Variants in PML observed in about 807,000 individuals in gnomAD.
PML encodes the protein PML nuclear body scaffold, also known as protein PML.
PML carries 28 observed loss-of-function variants against 65.2 expected under a neutral mutation model. The observed-to-expected ratio is 0.43, with a 90% CI of 0.32 to 0.59. The LOEUF is 0.59. PML is among the 20% of genes least tolerant of loss of function. The probability of loss-of-function intolerance (pLI) is 0.08; values close to 1 mark genes in which losing one functional copy is unlikely to be tolerated. For missense variants in PML, 1,021 were observed against 1,203.4 expected, an observed-to-expected ratio of 0.85 and a Z score of 2.24; for synonymous variants, 500 against 508.8, an observed-to-expected ratio of 0.98 and a Z score of 0.23.
chr15:74,036,101 A>G (rs759724691), intron 7 of PML: 2 of 1,613,462 alleles, frequency 1.2e-6, no homozygotes, highest in East Asian at 2.2e-5. Context: ...ATGGCTATGC[A>G]TGGACCTCTG....
At chr15:74,004,261 C>T (rs533685249) in intron 2 of PML, among the ~76,000 whole-genome samples, 2 of 152,282 alleles carry the variant, frequency 1.3e-5, no homozygotes, top group East Asian at 1.9e-4. Context: ...AGGCACCTGC[C>T]ACCGTGCCTG....
intron 2 of PML, among the ~76,000 whole-genome samples, chr15:73,999,682 G>A (rs1479281043): frequency 2.6e-5 from 4 of 151,750 alleles, no homozygotes; most frequent in Non-Finnish European, 4.4e-5. Context: ...CAAATTCCTC[G>A]AAAGAAAAAA....
chr15:74,031,372 C>T (rs2071315724), intron 4 of PML: 1 of 346,112 alleles, frequency 2.9e-6, no homozygotes, highest in African/African-American at 2.1e-5. Flanking sequence ...CCTCAGGGCT[C>T]AAGCGATTCT....
chr15:74,018,525 T>G (rs1463083436), intron 2 of PML, among the ~76,000 whole-genome samples: 1 of 151,856 alleles, frequency 6.6e-6, no homozygotes, highest in Non-Finnish European at 1.5e-5. Context: ...TTAAAAAAAG[T>G]TTTTTAGAGA....
chr15:73,996,285 A>G (rs2069502622), intron 1 of PML, among the ~76,000 whole-genome samples: 7 of 152,170 alleles, frequency 4.6e-5, no homozygotes, highest in Admixed American at 3.9e-4. Context: ...CTGGGCTATG[A>G]ATTAAATAGC....
intron 2 of PML, among the ~76,000 whole-genome samples, chr15:74,020,059 G>A (rs1384046593): frequency 6.6e-6 from 1 of 152,234 alleles, no homozygotes; most frequent in Non-Finnish European, 1.5e-5. Context: ...GAGGATTGCT[G>A]GGTTAAATGC....
chr15:74,016,792 C>CTTTTTATTTTTTTTTTTTTTTT (rs2070601372), intron 2 of PML, among the ~76,000 whole-genome samples: 1 of 77,646 alleles, frequency 1.3e-5, no homozygotes, highest in African/African-American at 4.8e-5. Flanking sequence ...GCAGTGGCAT[C>CTTTTTATTTTTTTTTTTTTTTT]TTTTTTTTTT....
chr15:74,024,420 TAG>T (rs2070983409), intron 3 of PML, among the ~76,000 whole-genome samples: 1 of 152,172 alleles, frequency 6.6e-6, no homozygotes, highest in African/African-American at 2.4e-5. Flanking sequence ...AACTGGGCAA[TAG>T]CAGAGAGAAG....
rs183361392 is a variant in PML at position 74,000,837 on chromosome 15, T to C, written c.602+2361T>C. ...AACTGTACATATAAATTGTTTAGCG[T>C]AGTGCCTGGCACATATTAAATACTC... On this transcript the variant is annotated intron_variant, in intron 2 of 8. Coordinates refer to ENST00000268058, the MANE Select transcript of PML (RefSeq NM_033238.3). Among the ~76,000 whole-genome samples, 238 of 152,352 alleles carry C rather than the reference T, an allele frequency of 1.6e-3. 1 individual carries two copies. The highest frequency in any genetic ancestry group is 5.5e-3 in the African/African-American group (229 of 41,584).
intron 2 of PML, among the ~76,000 whole-genome samples, chr15:74,013,895 G>A (rs1417340142): frequency 2.0e-5 from 3 of 152,176 alleles, no homozygotes; most frequent in Non-Finnish European, 2.9e-5. Context: ...ATTGGTTAAT[G>A]TTCAGCAATA....
rs748693881 is a variant in PML, at chr15:74,044,934, C to A, written c.2575C>A (p.Leu859Met). The change falls in exon 9 of 9, where the codon CTG (leucine) becomes ATG (methionine). Residue 859 changes from leucine to methionine, a missense_variant. Physicochemically the swap from Leu to Met is conservative, Grantham distance 15. Transcript: ENST00000268058. ...YFEGLLEGPALARAEGVSTPL... is the reference protein window; with the variant it reads ...YFEGLLEGPAMARAEGVSTPL... ...TGAAGGCCTGTTGGAGGGTCCGGCG[C>A]TGGCACGGGCAGAAGGAGTCTCCAC... 6.2e-7 allele frequency: 1 copy of A among 1,613,202 alleles called. No homozygotes were observed. Among genetic ancestry groups the A allele is most frequent in the Non-Finnish European group, 8.5e-7 (1 of 1,179,980 alleles).
chr15:74,003,788 C>A (rs28663989), intron 2 of PML, among the ~76,000 whole-genome samples: 1,912 of 152,150 alleles, frequency 0.013, 38 homozygotes, highest in African/African-American at 0.042. Context: ...CTTTTCTTCT[C>A]CTTTCTTGAA....
rs2071601815 is a variant in PML at position 74,037,663 on chromosome 15, T to C, written c.1710+3133T>C. The stretch of plus-strand genomic sequence containing the variant: ...GGTGCAGTGTCGCGTTTAGTCGTTA[T>C]TATTCTTGACCGGCGCTGGGCCCGG... On this transcript the variant is annotated intron_variant, in intron 7 of 8. Transcript: ENST00000268058. The surrounding 1 kb of genome is among the most constrained non-coding windows in gnomAD (Gnocchi z 4.2). 2.0e-6 allele frequency: 2 copies of C among 985,276 alleles called. No individual in the cohort carries two copies. Among genetic ancestry groups the C allele is most frequent in the Non-Finnish European group, 2.4e-6 (2 of 829,938 alleles). 61.0% of individuals were successfully genotyped at this position (985,276 alleles called of 1,614,324 possible). A position where few individuals can be genotyped will look rare whatever the true frequency, so the allele number is the denominator to read the frequency against.
chr15:73,998,406 C>T lies in PML; in HGVS notation c.532C>T (p.Leu178=). The change falls in exon 2 of 9, where the codon CTG becomes TTG. Residue 178 remains leucine (L), a synonymous_variant. Coordinates refer to ENST00000268058, the MANE Select transcript of PML (RefSeq NM_033238.3). The part of the protein sequence containing the change: ...ELRNQSVREF[L]DGTRKTNNIF... ...GCGCAACCAGTCGGTGCGTGAGTTC[C>T]TGGACGGCACCCGCAAGACCAACAA... 6.2e-7 allele frequency: 1 copy of T among 1,614,024 alleles called. No homozygotes were observed.
chr15:74,004,999 A>G (rs2069967369), intron 2 of PML, among the ~76,000 whole-genome samples: 1 of 152,120 alleles, frequency 6.6e-6, no homozygotes, highest in African/African-American at 2.4e-5. Context: ...GGCGTGAGCC[A>G]CTGTGCCTGG....
chr15:74,037,406 C>T lies in PML; in HGVS notation c.1710+2876C>T. ...GCCCCAGCCCTTGACCCCCTGGGAGCCTCACTCCTCCTCCTCATCTCTCTT... is the reference window on the plus strand; with the variant it reads ...GCCCCAGCCCTTGACCCCCTGGGAGTCTCACTCCTCCTCCTCATCTCTCTT... On this transcript the variant is annotated intron_variant, in intron 7 of 8. Transcript: ENST00000268058. This position sits in a 1 kb window ranked among gnomAD's most constrained non-coding sequence, Gnocchi z 4.2. 1.0e-6 allele frequency: 1 copy of T among 985,188 alleles called. No individual in the cohort carries two copies. The highest frequency in any genetic ancestry group is 1.2e-6 in the Non-Finnish European group (1 of 829,776). The allele number at this position is 985,188 out of a possible 1,614,324, so 61.0% of individuals were successfully genotyped here. A position where few individuals can be genotyped will look rare whatever the true frequency, so the allele number is the denominator to read the frequency against.
intron 2 of PML, among the ~76,000 whole-genome samples, chr15:74,012,463 C>T (rs1296005909): frequency 3.9e-5 from 6 of 152,148 alleles, no homozygotes; most frequent in African/African-American, 1.2e-4. Context: ...CGTGAGCCAC[C>T]GTGCCTGGCC....
chr15:74,006,436 A>G (rs1035724689), intron 2 of PML, among the ~76,000 whole-genome samples: 5 of 151,614 alleles, frequency 3.3e-5, no homozygotes, highest in African/African-American at 1.2e-4. Flanking sequence ...GCTTTTTAGC[A>G]TGTGCATCTA....
At position 74,035,339 on chromosome 15, in the gene PML, GC is replaced by G; in HGVS notation, c.1710+812del. 1 of 1,612,134 alleles carries G rather than the reference GC, an allele frequency of 6.2e-7. No homozygotes were observed. The highest frequency in any genetic ancestry group is 8.5e-7 in the Non-Finnish European group (1 of 1,179,876). On this transcript the variant is annotated intron_variant, in intron 7 of 8. Transcript: ENST00000268058. The surrounding 1 kb of genome is among the most constrained non-coding windows in gnomAD (Gnocchi z 4.1). ...ACCCCCCAGCTTGGCCTCCCCACCAGCCCGCTGAGCAGGCTGCCACCCCCGA... is the reference window on the plus strand; with the variant it reads ...ACCCCCCAGCTTGGCCTCCCCACCAGCCGCTGAGCAGGCTGCCACCCCCGA...
Sources: allele counts gnomAD v4.1 joint callset (sites outside exome capture counted in the v4.1 genomes callset), GRCh38; gene constraint gnomAD v4.1.1; non-coding constraint Gnocchi (gnomAD v3.1); transcripts MANE v1.5; gene names NCBI Gene and HGNC (gene_info 2026-07-23, HGNC 2026-07-21).